The following GSPT1 variants were observed in gnomAD, a reference collection of about 807,000 sequenced individuals.
GSPT1 encodes G1 to S phase transition 1.
Under a neutral mutation model 72.5 loss-of-function variants are expected in GSPT1, and 20 were observed. That is an observed-to-expected ratio of 0.28 (90% CI 0.19 to 0.40). GSPT1 has a LOEUF of 0.40. Ranked by LOEUF, GSPT1 falls within the 10% of genes least tolerant of loss-of-function variation. The pLI is 1.00. For synonymous variants in GSPT1, 334 were observed against 293.5 expected (o/e 1.14, Z -1.41); for missense variants, 580 against 811.9 (o/e 0.71, Z 3.47).
intron 10 of GSPT1, among the ~76,000 whole-genome samples, chr16:11,883,334 C>A (rs2054144531): frequency 6.6e-6 from 1 of 151,792 alleles, no homozygotes; most frequent in Admixed American, 6.6e-5. Context: ...ATGGCACAAG[C>A]TGGATGTGGT....
intron 5 of GSPT1, among the ~76,000 whole-genome samples, chr16:11,893,251 G>C (rs2054292648): frequency 6.6e-6 from 1 of 151,970 alleles, no homozygotes; most frequent in African/African-American, 2.4e-5. Context: ...TCCGGCCTGG[G>C]CAACACAGCG....
At chr16:11,895,871 C>T (rs546298899) in intron 4 of GSPT1, among the ~76,000 whole-genome samples, 8 of 152,168 alleles carry the variant, frequency 5.3e-5, no homozygotes, top group Non-Finnish European at 1.0e-4. Context: ...GTGATGTGCC[C>T]GCCTTGGCCT....
rs2053957935 is a variant in GSPT1, at chr16:11,869,698, G to A, written c.*3421C>T. 1 of 152,250 alleles carries A rather than the reference G, an allele frequency of 6.6e-6. No homozygotes were observed. Among genetic ancestry groups the A allele is most frequent in the Non-Finnish European group, 1.5e-5 (1 of 68,066 alleles). 9.4% of individuals were successfully genotyped at this position (152,250 alleles called of 1,614,324 possible). ...TATCATCCATGAAGTAGCAGTCCAT[G>A]AGGAAGTCCATGCCAGTAAGAAAAG... On this transcript the variant is annotated 3_prime_UTR_variant, in exon 15 of 15. Transcript: ENST00000434724.
chr16:11,884,973 C>G (rs1247851173), intron 10 of GSPT1, among the ~76,000 whole-genome samples: 4 of 151,678 alleles, frequency 2.6e-5, no homozygotes, highest in Non-Finnish European at 4.4e-5. Flanking sequence ...GAGGCTGAGG[C>G]AGGAGAATCA....
chr16:11,883,716 C>T (rs2054153386), intron 10 of GSPT1, among the ~76,000 whole-genome samples: 1 of 151,812 alleles, frequency 6.6e-6, no homozygotes, highest in African/African-American at 2.4e-5. Flanking sequence ...AAATCGAGCC[C>T]ATCCTGGCCA....
intron 1 of GSPT1, among the ~76,000 whole-genome samples, chr16:11,912,005 A>C (rs985390755): frequency 1.9e-4 from 28 of 149,066 alleles, no homozygotes; most frequent in African/African-American, 6.9e-4. Context: ...TACAGTTGAA[A>C]AGGGTGAATT....
chr16:11,893,362 T>C (rs933450448), intron 5 of GSPT1, among the ~76,000 whole-genome samples: 8 of 152,240 alleles, frequency 5.3e-5, no homozygotes, highest in Middle Eastern at 3.4e-3. Flanking sequence ...TGGGCTCAAA[T>C]GATCCTTCCG....
intron 1 of GSPT1, chr16:11,915,077 T>C (rs1255242105): frequency 7.7e-7 from 1 of 1,291,496 alleles, no homozygotes; most frequent in Non-Finnish European, 1.0e-6. Context: ...ACGGTTCCCA[T>C]CTCAAGTGGG....
chr16:11,915,754 G>C lies in GSPT1; in HGVS notation c.-34C>G, dbSNP rs571369964. On this transcript the variant is annotated 5_prime_UTR_variant, in exon 1 of 15. Coordinates refer to ENST00000434724, the MANE Select transcript of GSPT1 (RefSeq NM_002094.4). ...GGGCCGTGTGTGTGGTGGACAGAGA[G>C]CGGGAAATGGAGGCAGGGGCGCCCG... 6.4e-6 allele frequency: 10 copies of C among 1,551,510 alleles called. No individual in the cohort carries two copies. In the South Asian group the frequency reaches 6.9e-5, roughly 11 times the overall value.
intron 1 of GSPT1, among the ~76,000 whole-genome samples, chr16:11,906,360 G>A (rs2054489531): frequency 6.6e-6 from 1 of 152,206 alleles, no homozygotes; most frequent in Non-Finnish European, 1.5e-5. Flanking sequence ...GCCAGCTGTG[G>A]TGGTTCCCGC....
chr16:11,915,726 G>A lies in GSPT1; in HGVS notation c.-6C>T. ...CCGCCACTGCCCGGATCCATGATCGGGGGGGCCGTGTGTGTGGTGGACAGA... is the reference window on the plus strand; with the variant it reads ...CCGCCACTGCCCGGATCCATGATCGAGGGGGCCGTGTGTGTGGTGGACAGA... On this transcript the variant is annotated 5_prime_UTR_variant, in exon 1 of 15. Transcript: ENST00000434724. 2 of 1,521,164 alleles carry A rather than the reference G, an allele frequency of 1.3e-6. No individual in the cohort carries two copies. The highest frequency in any genetic ancestry group is 1.2e-5 in the South Asian group (1 of 84,072). The allele number at this position is 1,521,164 out of a possible 1,614,324, so 94.2% of individuals were successfully genotyped here.
At chr16:11,898,119 G>T in intron 1 of GSPT1, 84 bp from the exon 2 acceptor site, 1 of 836,124 alleles carries the variant, frequency 1.2e-6, no homozygotes, top group Non-Finnish European at 2.0e-6. Flanking sequence ...AAAAACAGAA[G>T]TTCAATAACA....
At chr16:11,897,706 A>T (rs1184231438) in intron 3 of GSPT1, 134 bp downstream of exon 3, 1 of 631,918 alleles carries the variant, frequency 1.6e-6, no homozygotes, top group Non-Finnish European at 2.9e-6. Context: ...TCTACTTTCT[A>T]AATACTAATA....
At chr16:11,914,280 T>C (rs551555115) in intron 1 of GSPT1, among the ~76,000 whole-genome samples, 2 of 152,282 alleles carry the variant, frequency 1.3e-5, no homozygotes, top group Non-Finnish European at 2.9e-5. Context: ...ACAAAATCAG[T>C]ACCTGAAAGC....
At chr16:11,916,483 C>T (rs2054639092), upstream of GSPT1, among the ~76,000 whole-genome samples, 1 of 152,230 alleles carries the variant, frequency 6.6e-6, no homozygotes, top group Non-Finnish European at 1.5e-5. Context: ...CGTTCTCTGC[C>T]TCACAGTCTC....
chr16:11,915,025 G>A (rs1254563935), intron 1 of GSPT1: 2 of 1,290,006 alleles, frequency 1.6e-6, no homozygotes, highest in East Asian at 5.5e-5. Flanking sequence ...CTCATTCTGC[G>A]CCTCGTGGCA....
intron 12 of GSPT1, among the ~76,000 whole-genome samples, chr16:11,876,932 G>C (rs954402418): frequency 1.3e-5 from 2 of 152,184 alleles, no homozygotes; most frequent in African/African-American, 4.8e-5. Context: ...AATCTAACTT[G>C]ATTAGTTGTC....
chr16:11,897,937 C>A (rs1469926816), intron 2 of GSPT1, 56 bp from the exon 3 acceptor site: 2 of 1,429,836 alleles, frequency 1.4e-6, no homozygotes, highest in East Asian at 4.9e-5. Flanking sequence ...TAGCTTTACA[C>A]ACCATATAGA....
At chr16:11,892,524 A>AAAAAAAAAATAAAT (rs1567443285) in intron 5 of GSPT1, among the ~76,000 whole-genome samples, 24 of 126,704 alleles carry the variant, frequency 1.9e-4, no homozygotes, top group African/African-American at 8.2e-4. Context: ...CAAAAAAAAC[A>AAAAAAAAAATAAAT]AAAAAAACAA....
Sources: allele counts gnomAD v4.1 joint callset (sites outside exome capture counted in the v4.1 genomes callset), GRCh38; gene constraint gnomAD v4.1.1; transcripts MANE v1.5; gene names NCBI Gene and HGNC (gene_info 2026-07-23, HGNC 2026-07-21).